The following GRID2 variants were observed in gnomAD, a reference collection of about 807,000 sequenced individuals.
The protein encoded by GRID2 is glutamate ionotropic receptor delta type subunit 2.
Under a neutral mutation model 114.8 loss-of-function variants are expected in GRID2, and 33 were observed. The ratio of observed to expected loss-of-function variants is 0.29; its 90% CI spans 0.22 to 0.38. GRID2 has a LOEUF of 0.38. Ranked by LOEUF, GRID2 falls within the 10% of genes least tolerant of loss-of-function variation. GRID2 has a pLI of 1.00. For synonymous variants in GRID2, 505 were observed against 449.9 expected, an observed-to-expected ratio of 1.12 and a Z score of -1.55; for missense variants, 1,184 against 1,257.7, an observed-to-expected ratio of 0.94 and a Z score of 0.89.
intron 9 of GRID2, among the ~76,000 whole-genome samples, chr4:93,408,851 TC>T (rs1560589827): frequency 6.6e-6 from 1 of 152,112 alleles, no homozygotes; most frequent in East Asian, 1.9e-4. Flanking sequence ...GGAGATCTTT[TC>T]TTTTAAGTTT....
intron 5 of GRID2, among the ~76,000 whole-genome samples, chr4:93,211,367 T>C (rs1293784707): frequency 1.3e-5 from 2 of 152,148 alleles, no homozygotes; most frequent in Admixed American, 6.6e-5. Context: ...TTCATAAGCA[T>C]TATGATTCAT....
chr4:93,756,664 G>A (rs1359578709), intron 14 of GRID2, among the ~76,000 whole-genome samples: 1 of 152,060 alleles, frequency 6.6e-6, no homozygotes, highest in African/African-American at 2.4e-5. Flanking sequence ...CCCCCCAAAG[G>A]CCCCATCTCA....
chr4:93,756,023 C>T (rs1732715740), intron 14 of GRID2, among the ~76,000 whole-genome samples: 1 of 152,118 alleles, frequency 6.6e-6, no homozygotes. Flanking sequence ...AATTTATTGA[C>T]TGTGTGGTAA....
intron 2 of GRID2, among the ~76,000 whole-genome samples, chr4:93,010,788 A>G (rs752257893): frequency 2.0e-5 from 3 of 152,172 alleles, no homozygotes; most frequent in Non-Finnish European, 4.4e-5. Flanking sequence ...ACTTTTCAAC[A>G]TGTGGCTGAA....
In GRID2 at chr4:93,085,092, C is replaced by A; in HGVS notation, c.342C>A (p.Ile114=). 1 of 1,614,106 alleles carries A rather than the reference C, an allele frequency of 6.2e-7. No individual in the cohort carries two copies. ...SLQSLADAMH[I]PHLFIQRSTA... ...AGTCTTTGGCAGACGCCATGCATAT[C>A]CCCCACCTCTTCATTCAGCGCTCAA... Residue 114 remains isoleucine, a synonymous_variant, in exon 3 of 16, where the codon ATC becomes ATA. Transcript: ENST00000282020.
At chr4:93,006,164 C>T (rs1168146771) in intron 2 of GRID2, among the ~76,000 whole-genome samples, 1 of 151,936 alleles carries the variant, frequency 6.6e-6, no homozygotes, top group Non-Finnish European at 1.5e-5. Context: ...CATAACTACC[C>T]ACAAAAACAT....
intron 14 of GRID2, among the ~76,000 whole-genome samples, chr4:93,709,247 C>A (rs1728275669): frequency 6.6e-6 from 1 of 152,104 alleles, no homozygotes; most frequent in African/African-American, 2.4e-5. Context: ...TTGTAAAACA[C>A]CCTTTAGCAT....
At chr4:93,059,035 T>G (rs1167106321) in intron 2 of GRID2, among the ~76,000 whole-genome samples, 2 of 152,024 alleles carry the variant, frequency 1.3e-5, no homozygotes, top group Non-Finnish European at 2.9e-5. Flanking sequence ...TTGCAAAATT[T>G]CACCAAAAAG....
At chr4:92,817,781 C>T (rs1741005937) in intron 2 of GRID2, among the ~76,000 whole-genome samples, 1 of 151,968 alleles carries the variant, frequency 6.6e-6, no homozygotes, top group African/African-American at 2.4e-5. Flanking sequence ...GATCCTCTCC[C>T]TTGGCCTCTC....
At chr4:92,599,337 GTGT>G (rs1472063048) in intron 2 of GRID2, among the ~76,000 whole-genome samples, 2 of 152,094 alleles carry the variant, frequency 1.3e-5, no homozygotes, top group East Asian at 3.9e-4. Context: ...GAGCAACATA[GTGT>G]TGTAGGAGAG....
intron 2 of GRID2, among the ~76,000 whole-genome samples, chr4:92,629,940 ATAT>A (rs888017208): frequency 1.7e-4 from 25 of 148,108 alleles, no homozygotes; most frequent in Admixed American, 4.7e-4. Flanking sequence ...TATATATTTT[ATAT>A]TATTATATAA....
At chr4:92,646,997 G>A (rs1380171841) in intron 2 of GRID2, among the ~76,000 whole-genome samples, 5 of 152,018 alleles carry the variant, frequency 3.3e-5, no homozygotes, top group African/African-American at 1.2e-4. Context: ...TGTAATTTCG[G>A]TAGTAGCAGT....
intron 4 of GRID2, among the ~76,000 whole-genome samples, chr4:93,135,969 A>G (rs1167223821): frequency 6.6e-6 from 1 of 152,210 alleles, no homozygotes; most frequent in Non-Finnish European, 1.5e-5. Flanking sequence ...CATTTTATCC[A>G]TTTTGTAAAA....
intron 2 of GRID2, among the ~76,000 whole-genome samples, chr4:92,802,128 A>G (rs1326275536): frequency 6.6e-6 from 1 of 151,876 alleles, no homozygotes; most frequent in African/African-American, 2.4e-5. Flanking sequence ...TAAAATACAT[A>G]TACAATATTT....
intron 13 of GRID2, among the ~76,000 whole-genome samples, chr4:93,592,512 G>A (rs1201979529): frequency 6.6e-6 from 1 of 152,082 alleles, no homozygotes; most frequent in Non-Finnish European, 1.5e-5. Context: ...GTGGTGTGGT[G>A]CTGAAAAAAA....
Position 93,291,132 on chromosome 4 carries a change from C to A in GRID2, c.1245+52642C>A, listed in dbSNP as rs936717961. 2.6e-5 allele frequency among the ~76,000 whole-genome samples: 4 copies of A among 152,126 alleles called. No homozygotes were observed. In the East Asian group the frequency reaches 7.8e-4, roughly 30 times the overall value. On this transcript the variant is annotated intron_variant, in intron 8 of 15. Transcript: ENST00000282020. The stretch of plus-strand genomic sequence containing the variant: ...GGCCTCTTGATCCGCCCACCAGATC[C>A]AAAGTGCTGGGGTTATAGGCGTAAG...
chr4:93,615,253 G>A (rs10516925), intron 13 of GRID2, among the ~76,000 whole-genome samples: 38,876 of 151,982 alleles, frequency 0.26, 5,171 homozygotes, highest in Middle Eastern at 0.33. Flanking sequence ...TTTGTCAATC[G>A]TCTTTGCATC....
chr4:92,848,873 C>T (rs1743541187), intron 2 of GRID2, among the ~76,000 whole-genome samples: 1 of 151,756 alleles, frequency 6.6e-6, no homozygotes, highest in South Asian at 2.1e-4. Flanking sequence ...ATAAGGAAGT[C>T]CATGTGAGGA....
At chr4:93,643,861 G>A (rs755744043) in intron 14 of GRID2, among the ~76,000 whole-genome samples, 2,440 of 89,182 alleles carry the variant, frequency 0.027, 533 homozygotes, top group Non-Finnish European at 0.038. Flanking sequence ...CTTCCAGGCT[G>A]CTTTGTTTAC....
Sources: allele counts gnomAD v4.1 joint callset (sites outside exome capture counted in the v4.1 genomes callset), GRCh38; gene constraint gnomAD v4.1.1; transcripts MANE v1.5; gene names NCBI Gene and HGNC (gene_info 2026-07-23, HGNC 2026-07-21).